The following KIDINS220 variants were observed in gnomAD, a reference collection of about 807,000 sequenced individuals.
KIDINS220 encodes kinase D interacting substrate 220, also known as kinase D-interacting substrate of 220 kDa.
A neutral mutation model predicts 157.6 loss-of-function variants in KIDINS220; 63 were observed. The observed-to-expected ratio is 0.40, with a 90% confidence interval of 0.33 to 0.49. KIDINS220 has a LOEUF of 0.49. Among genes scored for constraint, KIDINS220 ranks in the 20% least tolerant of loss-of-function variants. KIDINS220 has a pLI of 0.66. For missense variants in KIDINS220, 1,772 were observed against 2,171.2 expected (o/e 0.82, Z 3.65); for synonymous variants, 732 against 783.6 (o/e 0.93, Z 1.10).
downstream of KIDINS220, chr2:8,727,169 G>GA (rs1186197904): frequency 4.0e-5 from 46 of 1,160,262 alleles, no homozygotes; most frequent in Admixed American, 1.1e-4. Context: ...CTCAAAACGC[G>GA]ATAGTCTCAG....
intron 27 of KIDINS220, among the ~76,000 whole-genome samples, chr2:8,736,187 C>T (rs1664830933): frequency 6.6e-6 from 1 of 152,168 alleles, no homozygotes; most frequent in South Asian, 2.1e-4. Context: ...TGGTTATTAA[C>T]GTTCTACTTT....
intron 1 of KIDINS220, among the ~76,000 whole-genome samples, chr2:8,833,904 A>G (rs1488429629): frequency 6.6e-6 from 1 of 152,198 alleles, no homozygotes; most frequent in Non-Finnish European, 1.5e-5. Context: ...CAAAAGGCCA[A>G]TCGGTTAATA....
At chr2:8,832,290 GA>G (rs1679753190) in intron 1 of KIDINS220, among the ~76,000 whole-genome samples, 2 of 152,200 alleles carry the variant, frequency 1.3e-5, no homozygotes, top group South Asian at 4.1e-4. Context: ...AGAGGGCACT[GA>G]CAGTGTTTAA....
chr2:8,800,646 A>C (rs900453466), intron 8 of KIDINS220, 148 bp from the exon 9 acceptor site: 6 of 606,352 alleles, frequency 9.9e-6, no homozygotes, highest in Admixed American at 3.2e-5. Context: ...AATGTTACTT[A>C]ACTAATATGA....
downstream of KIDINS220, chr2:8,722,678 T>G (rs1425830860): frequency 6.6e-6 from 1 of 152,032 alleles, no homozygotes; most frequent in Non-Finnish European, 1.5e-5. Context: ...GATCTGAGAG[T>G]CCCTTGAATA....
intron 22 of KIDINS220, among the ~76,000 whole-genome samples, chr2:8,758,129 C>T (rs1404527443): frequency 6.6e-6 from 1 of 152,214 alleles, no homozygotes; most frequent in East Asian, 1.9e-4. Context: ...TGCTAAAGTA[C>T]TGGGATTACA....
At chr2:8,793,483 G>A (rs762564246) in intron 12 of KIDINS220, among the ~76,000 whole-genome samples, 12 of 152,160 alleles carry the variant, frequency 7.9e-5, no homozygotes, top group Non-Finnish European at 1.8e-4. Context: ...GCAACAGAGT[G>A]AGACCCAGTG....
downstream of KIDINS220, chr2:8,724,238 T>C (rs113843504): frequency 1.4e-4 from 21 of 152,226 alleles, no homozygotes; most frequent in African/African-American, 4.8e-4. This position sits in a 1 kb window ranked among gnomAD's most constrained non-coding sequence, Gnocchi z 4.6. Flanking sequence ...AACAGCACAA[T>C]GTTAAGGGAT....
At chr2:8,748,302 A>G (rs953422263) in intron 24 of KIDINS220, among the ~76,000 whole-genome samples, 4 of 152,198 alleles carry the variant, frequency 2.6e-5, no homozygotes, top group Non-Finnish European at 5.9e-5. Context: ...CAAGCTTACC[A>G]TCTGTCAGGT....
intron 1 of KIDINS220, among the ~76,000 whole-genome samples, chr2:8,828,633 T>C (rs879855728): frequency 1.3e-5 from 2 of 152,198 alleles, no homozygotes; most frequent in Non-Finnish European, 2.9e-5. Context: ...ATGACTTCAG[T>C]GACCTTAGAT....
intron 17 of KIDINS220, among the ~76,000 whole-genome samples, chr2:8,781,485 C>T (rs1449844453): frequency 6.6e-6 from 1 of 151,956 alleles, no homozygotes; most frequent in Non-Finnish European, 1.5e-5. Flanking sequence ...TTCAAACTCA[C>T]ATAAAGCATT....
chr2:8,815,655 C>T (rs1024487226), intron 4 of KIDINS220, among the ~76,000 whole-genome samples: 2 of 151,964 alleles, frequency 1.3e-5, no homozygotes, highest in African/African-American at 2.4e-5. Context: ...GGCAACAGAG[C>T]GAGACTCCGT....
At chr2:8,804,935 C>G (rs977814925) in intron 7 of KIDINS220, among the ~76,000 whole-genome samples, 8 of 152,102 alleles carry the variant, frequency 5.3e-5, no homozygotes, top group African/African-American at 1.9e-4. Flanking sequence ...CCAAGACTGC[C>G]CCCGCTTCCC....
chr2:8,770,499 A>ATACC (rs1377583727), intron 22 of KIDINS220, among the ~76,000 whole-genome samples, 171 bp downstream of exon 22: 1 of 152,190 alleles, frequency 6.6e-6, no homozygotes, highest in Non-Finnish European at 1.5e-5. Flanking sequence ...GACAGGATAT[A>ATACC]TACCTGTGCT....
chr2:8,734,597 A>C (rs752512004), intron 28 of KIDINS220, 58 bp downstream of exon 28: 14 of 1,195,664 alleles, frequency 1.2e-5, no homozygotes, highest in Non-Finnish European at 1.7e-5. Flanking sequence ...GTTATAAATA[A>C]TTTTGAATGT....
At chr2:8,809,026 T>TTTG (rs1329389282) in intron 6 of KIDINS220, among the ~76,000 whole-genome samples, 4 of 274 alleles carry the variant, frequency 0.015, no homozygotes, top group South Asian at 0.12. Context: ...TGTTTGTTTG[T>TTTG]TTTTTTCTTT....
In KIDINS220 at chr2:8,789,897, A is replaced by G. The variant is rs756424644; in HGVS notation, c.1604T>C (p.Leu535Pro). ...GIAVSLSFLA[L>P]LYIFFIVIYF... ...AGACTTACTAAAGAATATATATAAG[A>G]GAGCCAAGAAGCTCAGTGACACTGC... The change falls in exon 14 of 30, where the codon CTC (leucine) becomes CCC (proline). Residue 535 changes from leucine to proline, a missense_variant. By Grantham distance (98) the Leu-to-Pro change is moderately conservative. Around this residue, in one of 3 missense-constraint regions of KIDINS220, gnomAD observed 725 missense variants for 1,017.1 expected, o/e 0.71. Transcript: ENST00000256707. The G allele has an allele frequency of 6.8e-6, 11 of 1,608,794 alleles. No homozygotes were observed. The highest frequency in any genetic ancestry group is 9.3e-6 in the Non-Finnish European group (11 of 1,178,446).
chr2:8,817,767 C>A, intron 3 of KIDINS220, 51 bp from the exon 4 acceptor site: 1 of 1,256,196 alleles, frequency 8.0e-7, no homozygotes, highest in Admixed American at 2.0e-5. Flanking sequence ...AATAACACGT[C>A]AAAGTAAGGA....
At chr2:8,759,321 C>T (rs1464435316) in intron 22 of KIDINS220, among the ~76,000 whole-genome samples, 1 of 151,904 alleles carries the variant, frequency 6.6e-6, no homozygotes, top group East Asian at 1.9e-4. Context: ...AAACCATTGG[C>T]AGAGCTAAAC....
Sources: allele counts gnomAD v4.1 joint callset (sites outside exome capture counted in the v4.1 genomes callset), GRCh38; gene constraint gnomAD v4.1.1; regional missense constraint gnomAD v4.1.1; non-coding constraint Gnocchi (gnomAD v3.1); transcripts MANE v1.5; gene names NCBI Gene and HGNC (gene_info 2026-07-23, HGNC 2026-07-21).